Variants in RALGAPA1 observed in about 807,000 individuals in gnomAD.
RALGAPA1 encodes ral GTPase-activating protein subunit alpha-1.
RALGAPA1 carries 52 observed loss-of-function variants against 269.6 expected under a neutral mutation model. That is an observed-to-expected ratio of 0.19 (90% CI 0.15 to 0.24). RALGAPA1 has a LOEUF of 0.24. Among genes scored for constraint, RALGAPA1 ranks in the 10% least tolerant of loss-of-function variants. The pLI, the probability that RALGAPA1 is intolerant of heterozygous loss-of-function variation, is 1.00. For missense variants in RALGAPA1, 1,917 were observed against 3,013.9 expected (o/e 0.64, Z 8.52); for synonymous variants, 817 against 1,008.3 (o/e 0.81, Z 3.60).
chr14:35,601,775 T>C (rs1409628082), intron 36 of RALGAPA1, among the ~76,000 whole-genome samples: 1 of 152,234 alleles, frequency 6.6e-6, no homozygotes, highest in Non-Finnish European at 1.5e-5. Flanking sequence ...ATATGTAATG[T>C]CTTATGCTTA....
At chr14:35,739,719 T>C (rs1312948788) in intron 11 of RALGAPA1, among the ~76,000 whole-genome samples, 1 of 152,126 alleles carries the variant, frequency 6.6e-6, no homozygotes, top group African/African-American at 2.4e-5. Context: ...ATATTTCCAC[T>C]GCAACTACCG....
chr14:35,613,239 G>A (rs2060064274), intron 35 of RALGAPA1, among the ~76,000 whole-genome samples: 1 of 151,914 alleles, frequency 6.6e-6, no homozygotes, highest in Non-Finnish European at 1.5e-5. Flanking sequence ...GCACCACCAT[G>A]CTTGGCTAAT....
intron 13 of RALGAPA1, among the ~76,000 whole-genome samples, chr14:35,727,310 CATATATAT>C (rs34288628): frequency 0.018 from 1,897 of 104,436 alleles, 31 homozygotes; most frequent in African/African-American, 0.035. Context: ...AAAATTATGG[CATATATAT>C]ATATATATAT....
intron 19 of RALGAPA1, among the ~76,000 whole-genome samples, chr14:35,685,689 A>G (rs1342766837): frequency 2.0e-5 from 3 of 152,164 alleles, no homozygotes; most frequent in African/African-American, 7.2e-5. Flanking sequence ...AGATCACCTG[A>G]GGTCAGGAGT....
Position 35,689,793 on chromosome 14 carries a change from C to T in RALGAPA1, c.2618G>A (p.Ser873Asn), listed in dbSNP as rs755935041. 2.6e-6 allele frequency: 4 copies of T among 1,549,622 alleles called. No homozygotes were observed. The South Asian group carries it at 3.7e-5, about 14-fold the overall frequency. Reference protein sequence around the residue: ...VIDSSSRHAPSLQSSTEASSI... With the variant: ...VIDSSSRHAPNLQSSTEASSI... ...AGAAGCCTCTGTGGAACTCTGCAAG[C>T]TTGGTGCATGACGGGATGAACTGTC... Residue 873 changes from serine (S) to asparagine (N), a missense_variant, in exon 18 of 42, where the codon AGC (serine) becomes AAC (asparagine). Physicochemically the swap from Ser to Asn is conservative, Grantham distance 46. This residue lies in a region of RALGAPA1 where 615 missense variants were observed against 790.0 expected (regional missense o/e 0.78). Coordinates refer to ENST00000680220, the MANE Select transcript of RALGAPA1 (RefSeq NM_001346249.2).
At chr14:35,766,426 G>T in intron 4 of RALGAPA1, 1 of 1,574,474 alleles carries the variant, frequency 6.4e-7, no homozygotes, top group Non-Finnish European at 8.7e-7. Context: ...CAGTCTCTTT[G>T]GTCCAAAGCT....
chr14:35,576,527 G>A (rs1012398803), intron 37 of RALGAPA1, among the ~76,000 whole-genome samples: 2 of 151,832 alleles, frequency 1.3e-5, no homozygotes, highest in Admixed American at 1.3e-4. Flanking sequence ...TTACATTTTG[G>A]ACAAAAATGT....
chr14:35,560,994 C>T (rs1037303078), intron 39 of RALGAPA1, among the ~76,000 whole-genome samples: 1 of 151,952 alleles, frequency 6.6e-6, no homozygotes, highest in Non-Finnish European at 1.5e-5. Context: ...CTTTGGGAGG[C>T]CGAGGCAGAT....
At chr14:35,596,807 A>C in intron 36 of RALGAPA1, among the ~76,000 whole-genome samples, 1 of 152,198 alleles carries the variant, frequency 6.6e-6, no homozygotes, top group Non-Finnish European at 1.5e-5. Flanking sequence ...TTACCTTCTC[A>C]GAAAGCAATT....
At chr14:35,661,867 G>GGA (rs747001214) in intron 27 of RALGAPA1, among the ~76,000 whole-genome samples, 149 of 151,940 alleles carry the variant, frequency 9.8e-4, no homozygotes, top group Non-Finnish European at 1.8e-3. Context: ...TACAGTCCAG[G>GGA]GAGAGAGAGA....
intron 12 of RALGAPA1, among the ~76,000 whole-genome samples, chr14:35,736,462 G>T (rs558033878): frequency 6.6e-6 from 1 of 152,238 alleles, no homozygotes; most frequent in East Asian, 1.9e-4. Context: ...GAGAATAAGA[G>T]ATTCAAGAAC....
At chr14:35,651,984 T>G in intron 30 of RALGAPA1, 111 bp from the exon 31 acceptor site, 1 of 779,954 alleles carries the variant, frequency 1.3e-6, no homozygotes, top group Non-Finnish European at 2.0e-6. Flanking sequence ...TACTGCAAAT[T>G]TATTCTAAAC....
chr14:35,565,317 T>G (rs2056602284), intron 39 of RALGAPA1, among the ~76,000 whole-genome samples: 1 of 149,774 alleles, frequency 6.7e-6, no homozygotes. Flanking sequence ...GCTACTGTTA[T>G]ATTTTATAAT....
At chr14:35,702,022 T>C (rs1277502946) in intron 16 of RALGAPA1, among the ~76,000 whole-genome samples, 2 of 152,158 alleles carry the variant, frequency 1.3e-5, no homozygotes, top group Non-Finnish European at 2.9e-5. Flanking sequence ...CAAACAAGAA[T>C]TCCCACTTTT....
At chr14:35,642,445 T>C (rs907393459) in intron 31 of RALGAPA1, among the ~76,000 whole-genome samples, 2 of 152,152 alleles carry the variant, frequency 1.3e-5, no homozygotes, top group Admixed American at 6.5e-5. Flanking sequence ...TGAACAGACA[T>C]TTCTCAAAAG....
chr14:35,732,752 A>G (rs2070623824), intron 12 of RALGAPA1, among the ~76,000 whole-genome samples: 1 of 152,210 alleles, frequency 6.6e-6, no homozygotes, highest in South Asian at 2.1e-4. Context: ...AATTTATAAA[A>G]CAATTATTAA....
At chr14:35,766,197 ATTTC>A (rs2074128863) in intron 4 of RALGAPA1, 2 of 830,046 alleles carry the variant, frequency 2.4e-6, no homozygotes, top group African/African-American at 3.3e-5. Flanking sequence ...TCATGGTCTC[ATTTC>A]CCTGGAGGAT....
chr14:35,801,252 C>G (rs562087902), intron 1 of RALGAPA1, among the ~76,000 whole-genome samples: 1 of 124,840 alleles, frequency 8.0e-6, no homozygotes, highest in Non-Finnish European at 1.6e-5. Flanking sequence ...CAGACACACA[C>G]ACACACACAC....
chr14:35,768,127 T>C (rs1022346195), intron 4 of RALGAPA1, among the ~76,000 whole-genome samples: 4 of 152,144 alleles, frequency 2.6e-5, no homozygotes, highest in Non-Finnish European at 4.4e-5. Context: ...AATTGGAGTG[T>C]AGCAGTGTGA....
Sources: allele counts gnomAD v4.1 joint callset (sites outside exome capture counted in the v4.1 genomes callset), GRCh38; gene constraint gnomAD v4.1.1; regional missense constraint gnomAD v4.1.1; transcripts MANE v1.5; gene names NCBI Gene and HGNC (gene_info 2026-07-23, HGNC 2026-07-21).